TRAPPC10: variants seen among roughly 807,000 people sequenced by gnomAD.
TRAPPC10 encodes the protein TRAPP 130 kDa subunit.
A neutral mutation model predicts 125.5 loss-of-function variants in TRAPPC10; 23 were observed. That is an observed-to-expected ratio of 0.18 (90% CI 0.13 to 0.26). TRAPPC10 has a LOEUF of 0.26. Among genes scored for constraint, TRAPPC10 ranks in the 10% least tolerant of loss-of-function variants. TRAPPC10 has a pLI of 1.00. For synonymous variants in TRAPPC10, 509 were observed against 518.0 expected, an observed-to-expected ratio of 0.98 and a Z score of 0.24; for missense variants, 1,123 against 1,308.4, an observed-to-expected ratio of 0.86 and a Z score of 2.19.
intron 3 of TRAPPC10, among the ~76,000 whole-genome samples, chr21:44,038,986 G>A (rs936790589): frequency 2.6e-5 from 4 of 152,188 alleles, no homozygotes; most frequent in East Asian, 1.9e-4. Context: ...TCTGCCTGGC[G>A]TGCCTGAGAA....
Position 44,050,161 on chromosome 21 carries a change from G to A in TRAPPC10, c.286-2119G>A, listed in dbSNP as rs552334431. Among the ~76,000 whole-genome samples the A allele has an allele frequency of 9.3e-4, 141 of 152,246 alleles. 2 individuals are homozygous for A. The Middle Eastern group carries it at 0.014, about 15-fold the overall frequency. On this transcript the variant is annotated intron_variant, in intron 3 of 22. Coordinates refer to ENST00000291574, the MANE Select transcript of TRAPPC10 (RefSeq NM_003274.5). The stretch of plus-strand genomic sequence containing the variant: ...TGGTCCTCTTAAGAGTCACAGAGTC[G>A]TTTTTAACATGTCGTTTTGTTTGCT...
At position 44,059,542 on chromosome 21, in the gene TRAPPC10, C is replaced by T. The variant is rs778493586; in HGVS notation, c.790+328C>T. On this transcript the variant is annotated intron_variant, in intron 6 of 22. Coordinates refer to ENST00000291574, the MANE Select transcript of TRAPPC10 (RefSeq NM_003274.5). This position sits in a 1 kb window ranked among gnomAD's most constrained non-coding sequence, Gnocchi z 4.4. ...TGTCCCTCGTTAGAATCAGAGTGGA[C>T]GTCCCTTTGCCTTCCATCCAGGGGT... The T allele has an allele frequency of 5.5e-6, 4 of 731,418 alleles. No homozygotes were observed. The East Asian group carries it at 1.0e-4, about 19-fold the overall frequency. The allele number at this position is 731,418 out of a possible 1,614,324, so 45.3% of individuals were successfully genotyped here. A position where few individuals can be genotyped will look rare whatever the true frequency, so the allele number is the denominator to read the frequency against.
At chr21:44,066,742 T>C (rs1487741566) in intron 7 of TRAPPC10, among the ~76,000 whole-genome samples, 2 of 152,200 alleles carry the variant, frequency 1.3e-5, no homozygotes, top group Non-Finnish European at 2.9e-5. Flanking sequence ...TTCTTTGCAA[T>C]TGCAGCAGTT....
In TRAPPC10 at chr21:44,077,859, G is replaced by A. The variant is rs969742373; in HGVS notation, c.1469+75G>A. 3.1e-5 allele frequency: 35 copies of A among 1,137,446 alleles called. No individual in the cohort carries two copies. The African/African-American group carries it at 4.3e-4, about 14-fold the overall frequency. The allele number at this position is 1,137,446 out of a possible 1,614,324, so 70.5% of individuals were successfully genotyped here. A position where few individuals can be genotyped will look rare whatever the true frequency, so the allele number is the denominator to read the frequency against. ...AGAAGATTTGTTATATATGGAGTTA[G>A]TATAAAGTGCACATAAATTTGTAGA... On this transcript the variant is annotated intron_variant, in intron 11 of 22. Coordinates refer to ENST00000291574, the MANE Select transcript of TRAPPC10 (RefSeq NM_003274.5).
At chr21:44,075,252 T>TG in intron 9 of TRAPPC10, 99 bp downstream of exon 9, 22 of 827,740 alleles carry the variant, frequency 2.7e-5, no homozygotes, top group Non-Finnish European at 4.4e-5. Context: ...AGAGTAATCA[T>TG]ATTACTCACC....
At chr21:44,070,055 C>CA (rs767969718) in intron 7 of TRAPPC10, among the ~76,000 whole-genome samples, 11 of 152,078 alleles carry the variant, frequency 7.2e-5, no homozygotes, top group Non-Finnish European at 1.2e-4. Context: ...GAAGCTACAC[C>CA]AGTCTGCTGT....
intron 4 of TRAPPC10, 67 bp from the exon 5 acceptor site, chr21:44,055,631 G>T: frequency 1.6e-6 from 2 of 1,287,528 alleles, no homozygotes; most frequent in Non-Finnish European, 1.1e-6. Flanking sequence ...CAGGACAATG[G>T]CAGCTGCTGA....
chr21:44,015,776 A>G (rs1488697192), intron 1 of TRAPPC10, among the ~76,000 whole-genome samples: 1 of 151,638 alleles, frequency 6.6e-6, no homozygotes, highest in Non-Finnish European at 1.5e-5. Context: ...CACCATGCCC[A>G]CCTAATTTTT....
At chr21:44,093,860 C>T (rs780749213) in intron 19 of TRAPPC10, among the ~76,000 whole-genome samples, 1 of 152,226 alleles carries the variant, frequency 6.6e-6, no homozygotes, top group Non-Finnish European at 1.5e-5. Context: ...CAATCTTCTG[C>T]TGGGACAAGG....
At chr21:44,079,763 G>C in intron 12 of TRAPPC10, 59 bp downstream of exon 12, 1 of 1,551,722 alleles carries the variant, frequency 6.4e-7, no homozygotes, top group Non-Finnish European at 8.7e-7. Context: ...CGGCAACATT[G>C]CCCACAATCA....
intron 18 of TRAPPC10, among the ~76,000 whole-genome samples, chr21:44,090,930 TG>T (rs1037401616): frequency 3.9e-5 from 6 of 152,206 alleles, no homozygotes; most frequent in African/African-American, 1.2e-4. Context: ...TGGTGGCTCA[TG>T]CCTGTAATCC....
intron 13 of TRAPPC10, among the ~76,000 whole-genome samples, chr21:44,081,005 C>CTTTTTTTTTTTT (rs71326026): frequency 5.8e-5 from 6 of 103,890 alleles, no homozygotes; most frequent in Non-Finnish European, 6.5e-5. Context: ...TATTATTGTT[C>CTTTTTTTTTTTT]TTTTTTTTTT....
At chr21:44,017,287 T>A (rs1021502212) in intron 1 of TRAPPC10, among the ~76,000 whole-genome samples, 1 of 152,210 alleles carries the variant, frequency 6.6e-6, no homozygotes, top group Non-Finnish European at 1.5e-5. Flanking sequence ...CATTCCATCT[T>A]GTACGCATGA....
chr21:44,057,842 G>C (rs1371650693), intron 5 of TRAPPC10, among the ~76,000 whole-genome samples: 1 of 152,146 alleles, frequency 6.6e-6, no homozygotes, highest in African/African-American at 2.4e-5. Context: ...TAGGGGTCTG[G>C]GAATAATGTC....
intron 15 of TRAPPC10, 56 bp from the exon 16 acceptor site, chr21:44,086,746 T>G: frequency 9.2e-5 from 146 of 1,584,294 alleles, no homozygotes; most frequent in Non-Finnish European, 1.1e-4. Context: ...TTGCGGGCCC[T>G]GAGATGCTGT....
chr21:44,074,915 C>T (rs535292123), intron 8 of TRAPPC10, 124 bp from the exon 9 acceptor site: 244 of 713,784 alleles, frequency 3.4e-4, no homozygotes, highest in Non-Finnish European at 5.1e-4. Flanking sequence ...AGATTTGAGT[C>T]ATTGGGTAGG....
In TRAPPC10 at chr21:44,026,222, G is replaced by A. The variant is rs546705323; in HGVS notation, c.68-5869G>A. On this transcript the variant is annotated intron_variant, in intron 1 of 22. Coordinates refer to ENST00000291574, the MANE Select transcript of TRAPPC10 (RefSeq NM_003274.5). ...ACCTTCACTCCCTGCCCCCACCCCC[G>A]ACTGCGAAGGCTTTTCACGGACAGA... Among the ~76,000 whole-genome samples the A allele has an allele frequency of 3.3e-5, 5 of 151,880 alleles. No individual in the cohort carries two copies. In the East Asian group the frequency reaches 5.8e-4, roughly 18 times the overall value.
At chr21:44,057,085 C>T (rs2035652581) in intron 5 of TRAPPC10, among the ~76,000 whole-genome samples, 1 of 152,074 alleles carries the variant, frequency 6.6e-6, no homozygotes, top group Admixed American at 6.6e-5. Context: ...CACATAGGGA[C>T]AGATGCTGTG....
rs2034462047 is a variant in TRAPPC10 at position 44,042,042 on chromosome 21, T to C, written c.285+4115T>C. On this transcript the variant is annotated intron_variant, in intron 3 of 22. Transcript: ENST00000291574. ...CATTATTTCTTATTTTGTATATTTGTGCTTTCTCTCTTTCTTCCTTGATTA... is the reference window on the plus strand; with the variant it reads ...CATTATTTCTTATTTTGTATATTTGCGCTTTCTCTCTTTCTTCCTTGATTA... Among the ~76,000 whole-genome samples, 3 of 152,332 alleles carry C rather than the reference T, an allele frequency of 2.0e-5. No homozygotes were observed. The South Asian group carries it at 6.2e-4, about 32-fold the overall frequency.
Sources: allele counts gnomAD v4.1 joint callset (sites outside exome capture counted in the v4.1 genomes callset), GRCh38; gene constraint gnomAD v4.1.1; non-coding constraint Gnocchi (gnomAD v3.1); transcripts MANE v1.5; gene names NCBI Gene and HGNC (gene_info 2026-07-23, HGNC 2026-07-21).